STK24: variants seen among roughly 807,000 people sequenced by gnomAD.
The protein encoded by STK24 is serine/threonine kinase 24.
STK24 carries 21 observed loss-of-function variants against 55.6 expected under a neutral mutation model. That is an observed-to-expected ratio of 0.38 (90% confidence interval 0.27 to 0.54). The LOEUF is 0.54. STK24 is among the 20% of genes least tolerant of loss of function. STK24 has a pLI of 0.79. For synonymous variants in STK24, 200 were observed against 215.2 expected (o/e 0.93, Z 0.62); for missense variants, 383 against 538.4 (o/e 0.71, Z 2.86).
chr13:98,575,971 G>C (rs1897878396), intron 1 of STK24: 1 of 950,428 alleles, frequency 1.1e-6, no homozygotes, highest in African/African-American at 1.8e-5. Flanking sequence ...AAAGTCACTG[G>C]TAGGCCAAGG....
intron 1 of STK24, among the ~76,000 whole-genome samples, chr13:98,529,924 T>A (rs185243321): frequency 1.3e-5 from 2 of 152,228 alleles, no homozygotes; most frequent in African/African-American, 4.8e-5. Flanking sequence ...AAGGTAACCA[T>A]TAAACCTCTT....
chr13:98,462,020 C>A, intron 7 of STK24, 123 bp from the exon 8 acceptor site: 1 of 1,199,358 alleles, frequency 8.3e-7, no homozygotes, highest in Non-Finnish European at 1.2e-6. Context: ...CAAGTCCCCA[C>A]CCATCACACC....
intron 1 of STK24, among the ~76,000 whole-genome samples, chr13:98,570,751 GATT>G (rs1165304687): frequency 1.3e-5 from 2 of 152,122 alleles, no homozygotes; most frequent in Non-Finnish European, 2.9e-5. Flanking sequence ...AGCCATTTAG[GATT>G]AAGAAACTCC....
At chr13:98,456,090 T>C (rs1373055219) in intron 10 of STK24, 1 of 154,206 alleles carries the variant, frequency 6.5e-6, no homozygotes, top group Non-Finnish European at 1.4e-5. Context: ...AAGTAGATCA[T>C]TTTTATTTTC....
chr13:98,487,858 AAC>A (rs1894864362), intron 2 of STK24, among the ~76,000 whole-genome samples: 1 of 152,244 alleles, frequency 6.6e-6, no homozygotes, highest in Admixed American at 6.5e-5. Flanking sequence ...CTGAATTTTT[AAC>A]AGATACTGAC....
intron 7 of STK24, 117 bp from the exon 8 acceptor site, chr13:98,462,014 T>G: frequency 7.8e-7 from 1 of 1,286,970 alleles, no homozygotes; most frequent in Non-Finnish European, 1.1e-6. Context: ...CAGCCCCAAG[T>G]CCCCACCCAT....
intron 10 of STK24, 170 bp downstream of exon 10, chr13:98,456,998 G>C: frequency 1.2e-6 from 1 of 812,280 alleles, no homozygotes; most frequent in Non-Finnish European, 1.9e-6. Flanking sequence ...CATTCACATT[G>C]ATTTCTAGAA....
At chr13:98,482,239 T>C (rs1240949570) in intron 3 of STK24, 26 bp downstream of exon 3, 1 of 1,378,884 alleles carries the variant, frequency 7.3e-7, no homozygotes, top group African/African-American at 1.5e-5. Context: ...CTTTGATACG[T>C]ATTCTGCATC....
In STK24 at chr13:98,463,756, G is replaced by T; in HGVS notation, c.864C>A (p.Ile288=). Residue 288 remains isoleucine, a synonymous_variant, in exon 7 of 11, where the codon ATC becomes ATA. Coordinates refer to ENST00000539966, the MANE Select transcript of STK24 (RefSeq NM_001032296.4). ...AKKTSYLTEL[I]DRYKRWKAEQ... is the part of the protein sequence containing the mutation. ...CGGCCTTCCATCTCTTGTACCTGTC[G>T]ATGAGCTCGGTCAAGTAGGAAGTTT... 1 of 1,614,160 alleles carries T rather than the reference G, an allele frequency of 6.2e-7. No individual in the cohort carries two copies. Among genetic ancestry groups the T allele is most frequent in the Non-Finnish European group, 8.5e-7 (1 of 1,180,024 alleles).
chr13:98,453,804 A>G (rs993434268), intron 10 of STK24: 1 of 143,126 alleles, frequency 7.0e-6, no homozygotes. Context: ...AATGGTAATT[A>G]TCTGTATTTA....
chr13:98,496,039 C>T (rs776996301), intron 2 of STK24, among the ~76,000 whole-genome samples: 2 of 152,182 alleles, frequency 1.3e-5, no homozygotes, highest in African/African-American at 2.4e-5. Context: ...GGGAGGCAGC[C>T]GATGACTTCC....
chr13:98,468,564 T>C (rs192770034), intron 5 of STK24, among the ~76,000 whole-genome samples: 2 of 152,116 alleles, frequency 1.3e-5, no homozygotes, highest in African/African-American at 4.8e-5. Flanking sequence ...TTGTGACTCT[T>C]GTGTGGCAGC....
intron 5 of STK24, among the ~76,000 whole-genome samples, chr13:98,472,305 A>AT (rs1566353198): frequency 6.6e-6 from 1 of 152,156 alleles, no homozygotes; most frequent in African/African-American, 2.4e-5. Flanking sequence ...TCACATCAAC[A>AT]TAAGAGTTTG....
In STK24 at chr13:98,545,948, T is replaced by TA. The variant is rs936506067; in HGVS notation, c.43-26476dup. Among the ~76,000 whole-genome samples the TA allele has an allele frequency of 2.5e-4, 38 of 152,014 alleles. No homozygotes were observed. The East Asian group carries it at 4.8e-3, about 19-fold the overall frequency. ...TACCTTAAAACTCTTCTTCTGAAGC[T>TA]AAAAAAAACATGAAAGTTTAAAGAA... On this transcript the variant is annotated intron_variant, in intron 1 of 10. Coordinates refer to ENST00000539966, the MANE Select transcript of STK24 (RefSeq NM_001032296.4).
At position 98,450,960 on chromosome 13, in the gene STK24, T is replaced by G. The variant is rs1317536949; in HGVS notation, c.*2213A>C. ...CCCCACCTCCCCCGACAGGAAATGC[T>G]GCCAGTCAACTCTAAAAGAACCACT... On this transcript the variant is annotated 3_prime_UTR_variant, in exon 11 of 11. Transcript: ENST00000539966. 6.6e-6 allele frequency: 1 copy of G among 152,238 alleles called. No individual in the cohort carries two copies. Among genetic ancestry groups the G allele is most frequent in the Non-Finnish European group, 1.5e-5 (1 of 68,084 alleles). The allele number at this position is 152,238 out of a possible 1,614,324, so 9.4% of individuals were successfully genotyped here. A position where few individuals can be genotyped will look rare whatever the true frequency, so the allele number is the denominator to read the frequency against.
chr13:98,473,813 C>T (rs1283010538), intron 5 of STK24, among the ~76,000 whole-genome samples: 1 of 152,238 alleles, frequency 6.6e-6, no homozygotes, highest in Admixed American at 6.5e-5. Flanking sequence ...TGAGCTACAA[C>T]CTGGACGCTT....
chr13:98,461,779 T>C lies in STK24; in HGVS notation c.1048A>G (p.Asn350Asp). The change falls in exon 8 of 11, where the codon AAT becomes GAT. Residue 350 changes from asparagine to aspartate, a missense_variant. Transcript: ENST00000539966. ...TCTGGAGTGAGCAGACGTACCTTAT[T>C]TCTGTCCAAGTCCGATGGCTGAAGA... is the stretch of plus-strand genomic sequence containing the variant. Reference protein sequence around the residue: ...GALQPSDLDRNKMKDIPKRPF... With the variant: ...GALQPSDLDRDKMKDIPKRPF... The C allele has an allele frequency of 6.2e-7, 1 of 1,614,000 alleles. No individual in the cohort carries two copies. The highest frequency in any genetic ancestry group is 8.5e-7 in the Non-Finnish European group (1 of 1,179,896).
intron 1 of STK24, chr13:98,542,822 C>T: frequency 2.0e-6 from 2 of 985,004 alleles, no homozygotes; most frequent in Non-Finnish European, 2.4e-6. Flanking sequence ...TCCATCTACA[C>T]GTCCAAGTAC....
intron 1 of STK24, among the ~76,000 whole-genome samples, chr13:98,538,220 TGC>T (rs1491534114): frequency 6.4e-5 from 8 of 124,532 alleles, no homozygotes; most frequent in African/African-American, 2.3e-4. Flanking sequence ...CTTTGGTGCT[TGC>T]TTTTTTTTTT....
Sources: allele counts gnomAD v4.1 joint callset (sites outside exome capture counted in the v4.1 genomes callset), GRCh38; gene constraint gnomAD v4.1.1; transcripts MANE v1.5; gene names NCBI Gene and HGNC (gene_info 2026-07-23, HGNC 2026-07-21).